Variants in PTPN20 observed in about 807,000 individuals in gnomAD.
PTPN20 encodes tyrosine-protein phosphatase non-receptor type 20.
A neutral mutation model predicts 35.0 loss-of-function variants in PTPN20; 9 were observed. The ratio of observed to expected loss-of-function variants is 0.26; its 90% CI spans 0.15 to 0.45. The LOEUF (loss-of-function observed/expected upper bound fraction) is 0.45, where lower values mean the gene tolerates loss of function less well. Ranked by LOEUF, PTPN20 falls within the 20% of genes least tolerant of loss-of-function variation. The probability of loss-of-function intolerance (pLI) is 1.00; values close to 1 mark genes in which losing one functional copy is unlikely to be tolerated. For missense variants in PTPN20, 111 were observed against 312.5 expected, an observed-to-expected ratio of 0.36 and a Z score of 4.86; for synonymous variants, 32 against 100.2, an observed-to-expected ratio of 0.32 and a Z score of 4.06.
At chr10:46,954,923 G>A (rs2048004828) in intron 5 of PTPN20, among the ~76,000 whole-genome samples, 5 of 151,364 alleles carry the variant, frequency 3.3e-5, no homozygotes, top group Admixed American at 3.3e-4. Context: ...GATATTTTAG[G>A]AACAAAGATA....
chr10:46,954,763 T>C (rs2047948989), intron 5 of PTPN20, among the ~76,000 whole-genome samples: 1 of 151,158 alleles, frequency 6.6e-6, no homozygotes, highest in Non-Finnish European at 1.5e-5. Context: ...ATTATTTCCT[T>C]TTTCCTTCTT....
At chr10:46,952,756 ACACAC>A (rs1471692564) in intron 5 of PTPN20, among the ~76,000 whole-genome samples, 4 of 151,998 alleles carry the variant, frequency 2.6e-5, no homozygotes, top group South Asian at 4.2e-4. Flanking sequence ...AATCACCTTG[ACACAC>A]CCTAGAGGAT....
intron 2 of PTPN20, among the ~76,000 whole-genome samples, chr10:46,938,937 T>C (rs1669278670): frequency 6.6e-6 from 1 of 150,890 alleles, no homozygotes; most frequent in Non-Finnish European, 1.5e-5. Context: ...GTTTTACTTT[T>C]CATTTTTTGT....
intron 5 of PTPN20, among the ~76,000 whole-genome samples, chr10:46,952,728 C>G (rs1401916831): frequency 1.3e-5 from 2 of 151,828 alleles, no homozygotes; most frequent in African/African-American, 2.4e-5. Context: ...TTGGGTGGTT[C>G]TAGTTTTCTG....
At chr10:46,945,108 G>A (rs1589431462) in intron 4 of PTPN20, among the ~76,000 whole-genome samples, 1 of 138,988 alleles carries the variant, frequency 7.2e-6, no homozygotes. Context: ...GCCAAGAGTT[G>A]TAGGGTGTAT....
chr10:46,977,531 A>G (rs2136252486), intron 7 of PTPN20, among the ~76,000 whole-genome samples: 1 of 151,210 alleles, frequency 6.6e-6, no homozygotes, highest in African/African-American at 2.4e-5. Context: ...GTGACAGTAG[A>G]GATATGCAAA....
At position 47,001,258 on chromosome 10, in the gene PTPN20, C is replaced by G. The variant is rs2093478688; in HGVS notation, c.*517C>G. The G allele has an allele frequency of 6.1e-6, 1 of 163,172 alleles. No homozygotes were observed. The highest frequency in any genetic ancestry group is 1.4e-5 in the Non-Finnish European group (1 of 73,944). The allele number at this position is 163,172 out of a possible 1,614,324, so 10.1% of individuals were successfully genotyped here. On this transcript the variant is annotated 3_prime_UTR_variant, in exon 11 of 11. Coordinates refer to ENST00000374339, the MANE Select transcript of PTPN20 (RefSeq NM_001042357.5). The stretch of plus-strand genomic sequence containing the variant: ...TTGAATAACCCAGTTTAAAAAGAGT[C>G]CAGTTAGGGTGGACTAACTTTGGAC...
chr10:46,978,946 G>T (rs1352499245), intron 7 of PTPN20, among the ~76,000 whole-genome samples: 1 of 151,056 alleles, frequency 6.6e-6, no homozygotes, highest in Admixed American at 6.6e-5. Flanking sequence ...GGTGTAAGCA[G>T]AAGAGTTCTA....
chr10:46,959,028 A>G (rs1284124693), intron 5 of PTPN20, among the ~76,000 whole-genome samples: 2 of 145,628 alleles, frequency 1.4e-5, no homozygotes, highest in Non-Finnish European at 3.1e-5. Context: ...TGTTAGATAT[A>G]CTTTGTTTAT....
intron 5 of PTPN20, among the ~76,000 whole-genome samples, chr10:46,950,642 T>A (rs1255320573): frequency 4.3e-3 from 646 of 151,566 alleles, no homozygotes; most frequent in South Asian, 8.5e-3. Flanking sequence ...GCCAAAATTT[T>A]AAAAAATTAA....
At chr10:46,940,034 CTT>C (rs1396729573) in intron 2 of PTPN20, among the ~76,000 whole-genome samples, 3,493 of 147,632 alleles carry the variant, frequency 0.024, 25 homozygotes, top group East Asian at 0.053. Context: ...AAAATTTTCT[CTT>C]GGCTTCTTAT....
At chr10:46,937,845 C>T (rs1433145583) in intron 2 of PTPN20, among the ~76,000 whole-genome samples, 2 of 151,042 alleles carry the variant, frequency 1.3e-5, no homozygotes, top group Non-Finnish European at 3.0e-5. Flanking sequence ...TTTTCTATTC[C>T]TTGGCATACC....
Position 47,001,042 on chromosome 10 carries a change from A to G in PTPN20, c.*301A>G, listed in dbSNP as rs2059980929. 2.3e-6 allele frequency: 1 copy of G among 432,006 alleles called. No homozygotes were observed. Among genetic ancestry groups the G allele is most frequent in the Non-Finnish European group, 4.2e-6 (1 of 237,720 alleles). The allele number at this position is 432,006 out of a possible 1,614,324, so 26.8% of individuals were successfully genotyped here. ...TTGGTTGAAGGGATTACAGAGCCCA[A>G]TAAAGGATTTAAAATATATTCATTA... On this transcript the variant is annotated 3_prime_UTR_variant, in exon 11 of 11. Coordinates refer to ENST00000374339, the MANE Select transcript of PTPN20 (RefSeq NM_001042357.5).
chr10:46,935,966 T>A (rs2041484100), intron 2 of PTPN20, among the ~76,000 whole-genome samples: 1 of 151,206 alleles, frequency 6.6e-6, no homozygotes, highest in Admixed American at 6.6e-5. Flanking sequence ...CATTTTTTTT[T>A]TAATTTTTAC....
intron 1 of PTPN20, among the ~76,000 whole-genome samples, chr10:46,925,821 A>G (rs1190103256): frequency 6.6e-6 from 1 of 151,838 alleles, no homozygotes; most frequent in Non-Finnish European, 1.5e-5. Flanking sequence ...CAAAAGATCC[A>G]TATTGCCCAT....
intron 6 of PTPN20, among the ~76,000 whole-genome samples, chr10:46,967,375 G>A (rs1170268686): frequency 1.1e-5 from 1 of 92,694 alleles, no homozygotes; most frequent in Non-Finnish European, 1.9e-5. Context: ...CCTTAAGGAT[G>A]AGGCCATTAT....
At chr10:46,971,898 AT>A (rs1366226508) in intron 7 of PTPN20, among the ~76,000 whole-genome samples, 2 of 57,968 alleles carry the variant, frequency 3.5e-5, no homozygotes. Context: ...TGTACCAAAA[AT>A]GAACTTTGAT....
intron 5 of PTPN20, among the ~76,000 whole-genome samples, chr10:46,957,097 AT>A (rs1297135649): frequency 4.1e-5 from 5 of 121,620 alleles, no homozygotes; most frequent in Admixed American, 8.9e-5. Flanking sequence ...TACTGAATTT[AT>A]TTTTTTTAAC....
At chr10:46,940,839 C>T (rs2043243006) in intron 3 of PTPN20, 122 bp downstream of exon 3, 5 of 1,178,494 alleles carry the variant, frequency 4.2e-6, no homozygotes, top group East Asian at 2.4e-5. Flanking sequence ...TTTTTTGTCA[C>T]TGTAGTGTTG....
Sources: gnomAD v4.1 joint callset for allele counts (sites outside exome capture counted in the v4.1 genomes callset) on GRCh38, gnomAD v4.1.1 for gene constraint, MANE v1.5 for transcripts, NCBI Gene and HGNC (gene_info 2026-07-23, HGNC 2026-07-21) for gene names.